Variants in NPAS3 observed in about 807,000 individuals in gnomAD.
The protein encoded by NPAS3 is neuronal PAS domain protein 3, also known as neuronal PAS domain-containing protein 3.
A neutral mutation model predicts 73.1 loss-of-function variants in NPAS3; 14 were observed. The observed-to-expected ratio is 0.19, with a 90% CI of 0.13 to 0.30. The LOEUF is 0.30. NPAS3 is among the 10% of genes least tolerant of loss of function. The pLI, the probability that NPAS3 is intolerant of heterozygous loss-of-function variation, is 1.00. For missense variants in NPAS3, 1,096 were observed against 1,250.0 expected (o/e 0.88, Z 1.86); for synonymous variants, 620 against 541.5 (o/e 1.14, Z -2.01).
intron 4 of NPAS3, among the ~76,000 whole-genome samples, chr14:33,495,785 C>G (rs1323407497): frequency 3.3e-5 from 5 of 151,882 alleles, no homozygotes; most frequent in African/African-American, 1.2e-4. Flanking sequence ...TTATCAGAGA[C>G]TAGGATTGCA....
At position 32,972,284 on chromosome 14, in the gene NPAS3, A is replaced by G. The variant is rs562948667; in HGVS notation, c.50+32918A>G. Among the ~76,000 whole-genome samples the G allele has an allele frequency of 2.0e-3, 307 of 152,218 alleles. 3 individuals carry two copies. The highest frequency in any genetic ancestry group is 7.1e-3 in the African/African-American group (293 of 41,536). On this transcript the variant is annotated intron_variant, in intron 1 of 11. Transcript: ENST00000356141. ...CCTGAGTTATCCTGTGTAGTAAAAC[A>G]TTGCCGGTACAATACTCATTAAAAG... is the stretch of plus-strand genomic sequence containing the variant.
downstream of NPAS3, chr14:33,802,770 C>A (rs982809579): frequency 6.6e-6 from 1 of 152,432 alleles, no homozygotes; most frequent in African/African-American, 2.4e-5. Context: ...TGGCCTTCCT[C>A]TGTAATGTCA....
At chr14:33,219,955 A>G (rs1387188205) in intron 3 of NPAS3, among the ~76,000 whole-genome samples, 1 of 152,168 alleles carries the variant, frequency 6.6e-6, no homozygotes, top group Non-Finnish European at 1.5e-5. Context: ...GCTGACATAC[A>G]TTTACTTCTA....
intron 2 of NPAS3, among the ~76,000 whole-genome samples, chr14:33,064,480 G>T (rs1041054534): frequency 1.3e-5 from 2 of 152,040 alleles, no homozygotes; most frequent in Non-Finnish European, 2.9e-5. Flanking sequence ...TGTTACCTTG[G>T]AGCTCACAGA....
chr14:33,302,361 C>T (rs1045036979), intron 3 of NPAS3, among the ~76,000 whole-genome samples: 6 of 152,056 alleles, frequency 3.9e-5, no homozygotes, highest in African/African-American at 1.2e-4. Flanking sequence ...CCTAGTCCTG[C>T]AGCTGGGACT....
At chr14:33,180,977 T>C (rs192271386) in intron 2 of NPAS3, among the ~76,000 whole-genome samples, 73 of 152,206 alleles carry the variant, frequency 4.8e-4, no homozygotes, top group African/African-American at 1.3e-3. Flanking sequence ...ATGTACCTCA[T>C]GTTTTCCCAC....
chr14:33,061,850 A>T (rs1365293424), intron 2 of NPAS3, among the ~76,000 whole-genome samples: 1 of 152,200 alleles, frequency 6.6e-6, no homozygotes, highest in African/African-American at 2.4e-5. Flanking sequence ...AATAAGTGTC[A>T]ACTATGGAAG....
chr14:33,349,920 C>T (rs894139895), intron 3 of NPAS3, among the ~76,000 whole-genome samples: 4 of 152,132 alleles, frequency 2.6e-5, no homozygotes, highest in Admixed American at 2.0e-4. Flanking sequence ...AGGAGAAGGG[C>T]GTCTCCCACT....
At chr14:33,235,805 C>CTTTTTTTTTTTTTTTTTTTTTTTT (rs35968798) in intron 3 of NPAS3, among the ~76,000 whole-genome samples, 1 of 80,630 alleles carries the variant, frequency 1.2e-5, no homozygotes, top group Non-Finnish European at 2.2e-5. Flanking sequence ...TGATACAATT[C>CTTTTTTTTTTTTTTTTTTTTTTTT]TTTTTTTTTT....
chr14:33,070,697 T>C (rs1301106392), intron 2 of NPAS3, among the ~76,000 whole-genome samples: 1 of 152,200 alleles, frequency 6.6e-6, no homozygotes, highest in African/African-American at 2.4e-5. Context: ...AAAGCTGAGA[T>C]TGCATTCTTT....
Position 33,609,313 on chromosome 14 carries a change from C to CA in NPAS3, c.558+49108dup, listed in dbSNP as rs1056876239. 3.3e-5 allele frequency among the ~76,000 whole-genome samples: 5 copies of CA among 152,264 alleles called. No homozygotes were observed. The East Asian group carries it at 9.7e-4, about 29-fold the overall frequency. ...GGTGTTGCATGAATGGCACCAAATA[C>CA]AAAAATGTTGTTGGTGTTCTGAATT... On this transcript the variant is annotated intron_variant, in intron 5 of 11. Transcript: ENST00000356141.
chr14:33,003,508 A>AT (rs2038883198), intron 1 of NPAS3, among the ~76,000 whole-genome samples: 1 of 152,234 alleles, frequency 6.6e-6, no homozygotes. Context: ...GCACAATCAA[A>AT]TAGAGACAGT....
At chr14:33,496,460 T>A (rs1361305750) in intron 4 of NPAS3, among the ~76,000 whole-genome samples, 1 of 152,138 alleles carries the variant, frequency 6.6e-6, no homozygotes, top group African/African-American at 2.4e-5. Context: ...AATAAAATAC[T>A]GGCAAACCGA....
At chr14:33,047,398 G>A (rs946068834) in intron 1 of NPAS3, among the ~76,000 whole-genome samples, 1 of 152,124 alleles carries the variant, frequency 6.6e-6, no homozygotes, top group Non-Finnish European at 1.5e-5. Flanking sequence ...GACAGGAGCT[G>A]TAAAGAGATC....
intron 9 of NPAS3, among the ~76,000 whole-genome samples, chr14:33,790,863 C>T (rs1445884004): frequency 6.6e-6 from 1 of 152,140 alleles, no homozygotes; most frequent in Non-Finnish European, 1.5e-5. Context: ...GAGGCAGCGT[C>T]TCACCATGTT....
At chr14:33,417,621 T>C (rs1236063803) in intron 4 of NPAS3, among the ~76,000 whole-genome samples, 1 of 152,074 alleles carries the variant, frequency 6.6e-6, no homozygotes, top group African/African-American at 2.4e-5. Flanking sequence ...TTGAACTTTG[T>C]TGCCATATTA....
intron 4 of NPAS3, among the ~76,000 whole-genome samples, chr14:33,370,030 A>C (rs2046017296): frequency 6.6e-6 from 1 of 152,120 alleles, no homozygotes; most frequent in Non-Finnish European, 1.5e-5. Flanking sequence ...AGTTGATAAA[A>C]ACCTGTGTGG....
intron 7 of NPAS3, among the ~76,000 whole-genome samples, chr14:33,747,140 T>C (rs944279152): frequency 6.6e-6 from 1 of 151,946 alleles, no homozygotes; most frequent in Non-Finnish European, 1.5e-5. Flanking sequence ...CATGCACACG[T>C]ATGTTTACTG....
At chr14:33,799,627 C>T in intron 11 of NPAS3, 107 bp from the exon 12 acceptor site, 1 of 1,163,480 alleles carries the variant, frequency 8.6e-7, no homozygotes, top group Non-Finnish European at 1.2e-6. Flanking sequence ...TTGCCCTGCT[C>T]CCCGCCCCAG....
Sources: gnomAD v4.1 joint callset for allele counts (sites outside exome capture counted in the v4.1 genomes callset) on GRCh38, gnomAD v4.1.1 for gene constraint, MANE v1.5 for transcripts, NCBI Gene and HGNC (gene_info 2026-07-23, HGNC 2026-07-21) for gene names.